Variants in RALYL observed in about 807,000 individuals in gnomAD.
RALYL encodes RNA-binding Raly-like protein.
In RALYL, 29 loss-of-function variants were observed where a neutral mutation model predicts 35.1. The ratio of observed to expected loss-of-function variants is 0.83; its 90% CI spans 0.61 to 1.13. The LOEUF is 1.13. Ranked by LOEUF, RALYL falls within the 50% of genes most tolerant of loss-of-function variation. RALYL has a pLI of 0.00. For synonymous variants in RALYL, 120 were observed against 127.6 expected (o/e 0.94, Z 0.40); for missense variants, 359 against 360.4 (o/e 1.00, Z 0.03).
Position 84,205,650 on chromosome 8 carries a change from G to A in RALYL, c.-24+21226G>A, listed in dbSNP as rs550432012. Among the ~76,000 whole-genome samples, 221 of 152,246 alleles carry A rather than the reference G, an allele frequency of 1.5e-3. 2 individuals are homozygous for A. Among genetic ancestry groups the A allele is most frequent in the African/African-American group, 5.2e-3 (216 of 41,550 alleles). On this transcript the variant is annotated intron_variant, in intron 1 of 8. Transcript: ENST00000521268. ...TATTAGCACTAGTTATCAATAAAGA[G>A]CACAAGTGGGAAATCCATGATGTCA...
intron 1 of RALYL, among the ~76,000 whole-genome samples, chr8:84,358,703 CT>C (rs1169027458): frequency 3.3e-5 from 5 of 151,950 alleles, no homozygotes; most frequent in African/African-American, 1.2e-4. Context: ...CTTAACTGCA[CT>C]GGTGAAACTG....
intron 2 of RALYL, among the ~76,000 whole-genome samples, chr8:84,704,594 T>C (rs1215321729): frequency 6.6e-6 from 1 of 151,990 alleles, no homozygotes; most frequent in African/African-American, 2.4e-5. Context: ...TCCTCAGAAA[T>C]GTATGTTCTA....
intron 4 of RALYL, among the ~76,000 whole-genome samples, chr8:84,817,069 G>T (rs1586516106): frequency 6.6e-6 from 1 of 152,160 alleles, no homozygotes; most frequent in Admixed American, 6.5e-5. Flanking sequence ...CCTTTGAGAT[G>T]CACGGGATCT....
At chr8:84,207,706 G>T (rs991246913) in intron 1 of RALYL, among the ~76,000 whole-genome samples, 1 of 151,818 alleles carries the variant, frequency 6.6e-6, no homozygotes, top group African/African-American at 2.4e-5. Flanking sequence ...TAAGACAGCA[G>T]GTCTTAAATA....
intron 2 of RALYL, among the ~76,000 whole-genome samples, chr8:84,756,109 T>C (rs1477347729): frequency 6.6e-6 from 1 of 152,134 alleles, no homozygotes; most frequent in Admixed American, 6.6e-5. Context: ...TCATACATTG[T>C]CTGTACCAAT....
intron 1 of RALYL, among the ~76,000 whole-genome samples, chr8:84,429,750 C>T (rs560088822): frequency 6.6e-6 from 1 of 151,906 alleles, no homozygotes; most frequent in East Asian, 1.9e-4. Context: ...TGGGTGTTAG[C>T]CTCTTAAATC....
At chr8:84,261,814 A>G (rs969037327) in intron 1 of RALYL, among the ~76,000 whole-genome samples, 1 of 152,148 alleles carries the variant, frequency 6.6e-6, no homozygotes, top group African/African-American at 2.4e-5. Flanking sequence ...ATATGGAATT[A>G]GAATAGCAAT....
chr8:84,711,347 A>C (rs1842154766), intron 2 of RALYL, among the ~76,000 whole-genome samples: 1 of 152,166 alleles, frequency 6.6e-6, no homozygotes. Flanking sequence ...TTGTGCAATA[A>C]TTTTTAAATG....
intron 1 of RALYL, among the ~76,000 whole-genome samples, chr8:84,420,085 G>A (rs1011408386): frequency 2.0e-5 from 3 of 151,510 alleles, no homozygotes; most frequent in African/African-American, 7.3e-5. Flanking sequence ...TGGGTCAAAT[G>A]GTATTTGTAG....
chr8:84,907,217 G>C (rs961389363), intron 8 of RALYL, among the ~76,000 whole-genome samples: 2 of 151,810 alleles, frequency 1.3e-5, no homozygotes, highest in Admixed American at 6.6e-5. Flanking sequence ...AATTGAACAA[G>C]TTCTGGAATC....
intron 1 of RALYL, among the ~76,000 whole-genome samples, chr8:84,503,184 G>A (rs2056854895): frequency 6.6e-6 from 1 of 151,978 alleles, no homozygotes; most frequent in Non-Finnish European, 1.5e-5. Context: ...ATCTAGCTGT[G>A]TTACCCAAGC....
intron 1 of RALYL, among the ~76,000 whole-genome samples, chr8:84,497,543 C>T (rs711029): frequency 0.93 from 141,044 of 152,186 alleles, 65,477 homozygotes; most frequent in East Asian, 1. Context: ...AGGATAGTAT[C>T]ATATAAGTTA....
chr8:84,492,637 A>C (rs890774926), intron 1 of RALYL, among the ~76,000 whole-genome samples: 1 of 152,080 alleles, frequency 6.6e-6, no homozygotes, highest in African/African-American at 2.4e-5. Flanking sequence ...TAACCTTTCA[A>C]ATGCAACTAT....
At chr8:84,727,254 T>C (rs1206091529) in intron 2 of RALYL, among the ~76,000 whole-genome samples, 5 of 152,086 alleles carry the variant, frequency 3.3e-5, no homozygotes, top group Admixed American at 6.6e-5. Flanking sequence ...TGAGACATGA[T>C]TCTGCGCTTC....
At chr8:84,875,096 T>TA (rs199693196) in intron 7 of RALYL, among the ~76,000 whole-genome samples, 11 of 151,968 alleles carry the variant, frequency 7.2e-5, no homozygotes, top group Non-Finnish European at 8.8e-5. Context: ...TACTTTTTAA[T>TA]AAAAAAAATA....
At chr8:84,541,158 C>A (rs923069415) in intron 2 of RALYL, among the ~76,000 whole-genome samples, 1 of 151,280 alleles carries the variant, frequency 6.6e-6, no homozygotes, top group African/African-American at 2.4e-5. Context: ...GTTTAATTTG[C>A]CACTCTTTTC....
intron 1 of RALYL, among the ~76,000 whole-genome samples, chr8:84,443,606 C>G (rs183601036): frequency 7.9e-5 from 12 of 152,256 alleles, no homozygotes; most frequent in African/African-American, 2.4e-4. Flanking sequence ...AGAGCGTGCT[C>G]TCACATGCAG....
chr8:84,713,035 C>G (rs1318242628), intron 2 of RALYL, among the ~76,000 whole-genome samples: 1 of 152,056 alleles, frequency 6.6e-6, no homozygotes. Flanking sequence ...AGTTTTGGCT[C>G]AAACTAATGT....
intron 8 of RALYL, among the ~76,000 whole-genome samples, chr8:84,901,990 T>A (rs1845775803): frequency 6.6e-6 from 1 of 151,704 alleles, no homozygotes. Flanking sequence ...GAACAAAGGG[T>A]TTCTTAACTA....
Sources: gnomAD v4.1 joint callset for allele counts (sites outside exome capture counted in the v4.1 genomes callset) on GRCh38, gnomAD v4.1.1 for gene constraint, MANE v1.5 for transcripts, NCBI Gene and HGNC (gene_info 2026-07-23, HGNC 2026-07-21) for gene names.